TMEM108: variants seen among roughly 807,000 people sequenced by gnomAD.
TMEM108 encodes transmembrane protein 108.
In TMEM108, 12 loss-of-function variants were observed where a neutral mutation model predicts 35.1. The ratio of observed to expected loss-of-function variants is 0.34; its 90% CI spans 0.22 to 0.55. The LOEUF is 0.55. Ranked by LOEUF, TMEM108 falls within the 20% of genes least tolerant of loss-of-function variation. The probability of loss-of-function intolerance (pLI) is 0.89; values close to 1 mark genes in which losing one functional copy is unlikely to be tolerated. For synonymous variants in TMEM108, 287 were observed against 308.6 expected (o/e 0.93, Z 0.73); for missense variants, 680 against 753.3 (o/e 0.90, Z 1.14).
chr3:133,236,798 C>G (rs776124973), intron 3 of TMEM108, among the ~76,000 whole-genome samples: 4 of 152,038 alleles, frequency 2.6e-5, no homozygotes, highest in Non-Finnish European at 5.9e-5. Context: ...CTCTCTTTTT[C>G]TTCTTCCATG....
chr3:133,334,249 CAAGAT>C (rs1576462234), intron 3 of TMEM108, among the ~76,000 whole-genome samples: 2 of 152,062 alleles, frequency 1.3e-5, no homozygotes, highest in Non-Finnish European at 1.5e-5. Flanking sequence ...TCCATGATCA[CAAGAT>C]AAGACAGTAT....
rs990602684 is a variant in TMEM108 at position 133,171,165 on chromosome 3, G to A, written c.-46-58101G>A. Among the ~76,000 whole-genome samples, 5 of 152,072 alleles carry A rather than the reference G, an allele frequency of 3.3e-5. No individual in the cohort carries two copies. In the South Asian group the frequency reaches 6.2e-4, roughly 19 times the overall value. ...CTGGCTTTCTGTTAATCTGTGTATC[G>A]ACATTATAGTTTGTCTACCCATACT... On this transcript the variant is annotated intron_variant, in intron 2 of 5. Coordinates refer to ENST00000321871, the MANE Select transcript of TMEM108 (RefSeq NM_023943.4).
In TMEM108 at chr3:133,225,973, A is replaced by G. The variant is rs116267494; in HGVS notation, c.-46-3293A>G. ...AACATGTGCCCAAGATGGTTGGGTT[A>G]CAACCTCGTTTTATAAGTTTTATAA... On this transcript the variant is annotated intron_variant, in intron 2 of 5. Coordinates refer to ENST00000321871, the MANE Select transcript of TMEM108 (RefSeq NM_023943.4). 5.5e-3 allele frequency among the ~76,000 whole-genome samples: 840 copies of G among 152,380 alleles called. 4 individuals are homozygous for G. The highest frequency in any genetic ancestry group is 0.019 in the African/African-American group (787 of 41,594).
rs533323755 is a variant in TMEM108, at chr3:133,228,547, G to A, written c.-46-719G>A. Reference sequence around the variant, plus strand: ...TATCTTAAAGAAACACATTTGCCATGTAAAATAAAATTGTAAAGTAATAGT... The same window carrying A: ...TATCTTAAAGAAACACATTTGCCATATAAAATAAAATTGTAAAGTAATAGT... On this transcript the variant is annotated intron_variant, in intron 2 of 5. Coordinates refer to ENST00000321871, the MANE Select transcript of TMEM108 (RefSeq NM_023943.4). Among the ~76,000 whole-genome samples, 13 of 152,104 alleles carry A rather than the reference G, an allele frequency of 8.5e-5. No homozygotes were observed. In the South Asian group the frequency reaches 2.3e-3, roughly 27 times the overall value.
intron 2 of TMEM108, among the ~76,000 whole-genome samples, chr3:133,100,915 C>T (rs901705793): frequency 1.3e-5 from 2 of 152,094 alleles, no homozygotes; most frequent in Non-Finnish European, 2.9e-5. Flanking sequence ...GTGTATGTAT[C>T]TAGATATTTA....
intron 2 of TMEM108, among the ~76,000 whole-genome samples, chr3:133,178,902 T>C (rs1466891991): frequency 2.0e-5 from 3 of 151,990 alleles, no homozygotes; most frequent in South Asian, 2.1e-4. Flanking sequence ...ATTTTTGCAA[T>C]CTACTCATCT....
chr3:133,317,411 G>A (rs2071212880), intron 3 of TMEM108, among the ~76,000 whole-genome samples: 1 of 152,184 alleles, frequency 6.6e-6, no homozygotes, highest in Non-Finnish European at 1.5e-5. Context: ...AACTCCTGAA[G>A]ATCTTGGCAT....
chr3:133,116,723 A>G (rs142245681), intron 2 of TMEM108, among the ~76,000 whole-genome samples: 58 of 152,308 alleles, frequency 3.8e-4, no homozygotes, highest in African/African-American at 1.3e-3. Context: ...ATGAGATACC[A>G]GTGTACCAGT....
chr3:133,163,794 G>C (rs1202479897), intron 2 of TMEM108, among the ~76,000 whole-genome samples: 1 of 152,102 alleles, frequency 6.6e-6, no homozygotes, highest in African/African-American at 2.4e-5. Flanking sequence ...TTGCCATTGG[G>C]TGTAGCATCC....
intron 1 of TMEM108, among the ~76,000 whole-genome samples, chr3:133,038,979 C>G (rs114458895): frequency 0.017 from 2,584 of 152,304 alleles, 88 homozygotes; most frequent in African/African-American, 0.059. Flanking sequence ...ACGGAGCCTC[C>G]GTGCTGCCCG....
At chr3:133,257,209 C>G (rs970666616) in intron 3 of TMEM108, 2 of 152,002 alleles carry the variant, frequency 1.3e-5, no homozygotes, top group Non-Finnish European at 2.9e-5. Flanking sequence ...CAGGATGTCA[C>G]AGTATTATGA....
At chr3:133,277,397 A>G (rs148520483) in intron 3 of TMEM108, among the ~76,000 whole-genome samples, 3 of 152,364 alleles carry the variant, frequency 2.0e-5, no homozygotes, top group African/African-American at 7.2e-5. Context: ...AAAGAGTACA[A>G]AAGTTTATTA....
At chr3:133,389,327 C>T (rs1325993262) in intron 4 of TMEM108, 2 of 985,366 alleles carry the variant, frequency 2.0e-6, no homozygotes, top group Non-Finnish European at 2.4e-6. Flanking sequence ...GTGGAGCCCA[C>T]CTCAGGCCAT....
chr3:133,113,147 A>G (rs545552587), intron 2 of TMEM108, among the ~76,000 whole-genome samples: 3 of 152,252 alleles, frequency 2.0e-5, no homozygotes, highest in Non-Finnish European at 4.4e-5. Context: ...TGAAATTGGA[A>G]GGAAGGTTGT....
intron 3 of TMEM108, among the ~76,000 whole-genome samples, chr3:133,297,657 G>A (rs1947164631): frequency 6.6e-6 from 1 of 152,178 alleles, no homozygotes; most frequent in Non-Finnish European, 1.5e-5. Flanking sequence ...TAGGCTATGG[G>A]TCAGTCTTGA....
intron 2 of TMEM108, among the ~76,000 whole-genome samples, chr3:133,070,743 GTA>G (rs997647419): frequency 4.4e-5 from 6 of 135,500 alleles, no homozygotes; most frequent in African/African-American, 1.8e-4. Context: ...TTTCTCTGAT[GTA>G]TGTGTGTGTG....
intron 2 of TMEM108, among the ~76,000 whole-genome samples, chr3:133,090,960 C>T (rs535263096): frequency 6.6e-6 from 1 of 152,178 alleles, no homozygotes; most frequent in South Asian, 2.1e-4. Flanking sequence ...ATCATCCTTG[C>T]ACATTAGATT....
chr3:133,315,059 T>A (rs2071180312), intron 3 of TMEM108, among the ~76,000 whole-genome samples: 1 of 152,210 alleles, frequency 6.6e-6, no homozygotes, highest in African/African-American at 2.4e-5. Context: ...GAGACAATAG[T>A]GGATCCCTAT....
At chr3:133,104,001 A>G (rs1944120061) in intron 2 of TMEM108, among the ~76,000 whole-genome samples, 1 of 152,218 alleles carries the variant, frequency 6.6e-6, no homozygotes, top group African/African-American at 2.4e-5. Context: ...TAAATAATAT[A>G]ATCAAAGAAG....
Sources: gnomAD v4.1 joint callset for allele counts (sites outside exome capture counted in the v4.1 genomes callset) on GRCh38, gnomAD v4.1.1 for gene constraint, MANE v1.5 for transcripts, NCBI Gene and HGNC (gene_info 2026-07-23, HGNC 2026-07-21) for gene names.